Variants in MID1 observed in about 807,000 individuals in gnomAD.
MID1 encodes E3 ubiquitin-protein ligase Midline-1.
MID1 carries 7 observed loss-of-function variants against 40.4 expected under a neutral mutation model. That is an observed-to-expected ratio of 0.17 (90% CI 0.10 to 0.33). MID1 has a LOEUF of 0.33. Ranked by LOEUF, MID1 falls within the 10% of genes least tolerant of loss-of-function variation. MID1 has a pLI of 1.00. For missense variants in MID1, 367 were observed against 558.5 expected, an observed-to-expected ratio of 0.66 and a Z score of 3.46; for synonymous variants, 229 against 221.2, an observed-to-expected ratio of 1.04 and a Z score of -0.31.
At chrX:10,451,256 G>T (rs773577866) in intron 9 of MID1, among the ~76,000 whole-genome samples, 2 of 111,651 alleles carry the variant, frequency 1.8e-5, no homozygotes, top group Non-Finnish European at 3.8e-5. Context: ...AGGAGTCTGG[G>T]TCAGGCTCTG....
intron 1 of MID1, among the ~76,000 whole-genome samples, chrX:10,573,304 A>C (rs1024824956): frequency 8.9e-6 from 1 of 112,195 alleles, no homozygotes; most frequent in East Asian, 2.8e-4. Flanking sequence ...TTATAAACAA[A>C]AGAGGTTTAT....
At chrX:10,561,059 C>T (rs1465858541) in intron 2 of MID1, among the ~76,000 whole-genome samples, 2 of 106,613 alleles carry the variant, frequency 1.9e-5, no homozygotes, top group South Asian at 3.9e-4. Flanking sequence ...TTGGAAATAA[C>T]ACCACACATC....
intron 2 of MID1, among the ~76,000 whole-genome samples, chrX:10,548,267 A>C (rs1465832992): frequency 9.0e-6 from 1 of 111,264 alleles, no homozygotes; most frequent in Non-Finnish European, 1.9e-5. Flanking sequence ...TGCAGTTATT[A>C]TCTCTATGAT....
chrX:10,788,691 G>T (rs1387172274), intron 1 of MID1, among the ~76,000 whole-genome samples: 1 of 111,633 alleles, frequency 9.0e-6, no homozygotes, highest in African/African-American at 3.3e-5. Context: ...GATGTTACTG[G>T]CATGTAATGG....
chrX:10,693,417 C>T (rs192613721), intron 1 of MID1, among the ~76,000 whole-genome samples: 36 of 108,397 alleles, frequency 3.3e-4, no homozygotes, highest in African/African-American at 9.4e-4. Context: ...GTCTTGAACT[C>T]GTGGGCTCAA....
At chrX:10,578,946 A>G (rs183066941) in intron 1 of MID1, among the ~76,000 whole-genome samples, 78 of 112,497 alleles carry the variant, frequency 6.9e-4, no homozygotes, top group African/African-American at 2.4e-3. Flanking sequence ...TGTCTGTATA[A>G]AGTCCTATAT....
chrX:10,685,503 T>C (rs941490593), intron 1 of MID1, among the ~76,000 whole-genome samples: 1 of 112,006 alleles, frequency 8.9e-6, no homozygotes, highest in African/African-American at 3.2e-5. Context: ...CTGACATACC[T>C]TGTTTGACTG....
intron 2 of MID1, among the ~76,000 whole-genome samples, chrX:10,533,399 G>GAAAGA (rs1569089967): frequency 4.6e-4 from 33 of 71,959 alleles, no homozygotes; most frequent in East Asian, 1.4e-3. Flanking sequence ...AGAAAAGAAA[G>GAAAGA]AAAGAAAGAA....
intron 3 of MID1, among the ~76,000 whole-genome samples, chrX:10,511,958 G>A (rs1214724922): frequency 8.9e-6 from 1 of 111,857 alleles, no homozygotes; most frequent in Non-Finnish European, 1.9e-5. Context: ...TCCTCTTCTC[G>A]CGTCATGTCA....
chrX:10,533,368 GAAAGAAAGA>G (rs1569089704), intron 2 of MID1, among the ~76,000 whole-genome samples: 864 of 53,441 alleles, frequency 0.016, 11 homozygotes, highest in Non-Finnish European at 0.021. Context: ...AAGAAAGAAA[GAAAGAAAGA>G]AAAAGAAAGA....
intron 1 of MID1, among the ~76,000 whole-genome samples, chrX:10,652,680 C>T (rs1438849692): frequency 8.9e-6 from 1 of 111,793 alleles, no homozygotes; most frequent in Non-Finnish European, 1.9e-5. Flanking sequence ...ACCTAGTCCT[C>T]TCCCAGTTGC....
chrX:10,616,134 T>C lies in MID1; in HGVS notation c.-57+4156A>G, dbSNP rs188049963. 1.8e-4 allele frequency among the ~76,000 whole-genome samples: 20 copies of C among 111,947 alleles called. No individual in the cohort carries two copies. In the East Asian group the frequency reaches 5.4e-3, roughly 30 times the overall value. Reference sequence around the variant, plus strand: ...GAACTTCAAGCCTGACCCCTGCAGGTAGATAACTGAAATGCACACCTCTAA... The same window carrying C: ...GAACTTCAAGCCTGACCCCTGCAGGCAGATAACTGAAATGCACACCTCTAA... On this transcript the variant is annotated intron_variant, in intron 1 of 9. Transcript: ENST00000317552.
chrX:10,783,356 A>T (rs2043858904), intron 1 of MID1, among the ~76,000 whole-genome samples: 1 of 111,718 alleles, frequency 9.0e-6, no homozygotes, highest in South Asian at 3.7e-4. Flanking sequence ...TTCCAAGAAG[A>T]CCTGCAGGAC....
At chrX:10,459,425 AT>A (rs1416903384) in intron 8 of MID1, among the ~76,000 whole-genome samples, 1 of 112,331 alleles carries the variant, frequency 8.9e-6, no homozygotes, top group African/African-American at 3.2e-5. Context: ...AAATTGAGTA[AT>A]GCAGAGAGAG....
intron 1 of MID1, among the ~76,000 whole-genome samples, chrX:10,572,263 T>C (rs1390275450): frequency 2.8e-5 from 3 of 108,692 alleles, no homozygotes; most frequent in African/African-American, 1.0e-4. Flanking sequence ...TTAATAACAG[T>C]ATCAGGCCGG....
intron 1 of MID1, among the ~76,000 whole-genome samples, chrX:10,571,166 G>A (rs956603361): frequency 1.8e-5 from 2 of 112,472 alleles, no homozygotes; most frequent in Admixed American, 1.9e-4. Flanking sequence ...AGTGCTTTAT[G>A]CAAGTGTCTG....
At chrX:10,809,568 C>A (rs1412288827) in intron 1 of MID1, among the ~76,000 whole-genome samples, 19 of 111,548 alleles carry the variant, frequency 1.7e-4, no homozygotes, top group East Asian at 2.8e-4. Flanking sequence ...GAAAATGTGG[C>A]ACATACACAC....
At chrX:10,663,886 G>C (rs775468284) in intron 1 of MID1, among the ~76,000 whole-genome samples, 43 of 111,782 alleles carry the variant, frequency 3.8e-4, no homozygotes, top group Non-Finnish European at 7.1e-4. Context: ...CTTGAATTAG[G>C]AGATTCCTAT....
At chrX:10,699,362 C>T (rs751134227) in intron 1 of MID1, among the ~76,000 whole-genome samples, 10 of 112,186 alleles carry the variant, frequency 8.9e-5, no homozygotes, top group Admixed American at 2.8e-4. Flanking sequence ...ACTTTTATTC[C>T]ACCATCTGGC....
Sources: gnomAD v4.1 joint callset for allele counts (sites outside exome capture counted in the v4.1 genomes callset) on GRCh38, gnomAD v4.1.1 for gene constraint, MANE v1.5 for transcripts, NCBI Gene and HGNC (gene_info 2026-07-23, HGNC 2026-07-21) for gene names.